The following TTC39C variants were observed in gnomAD, a reference collection of about 807,000 sequenced individuals.
TTC39C encodes tetratricopeptide repeat domain 39C.
Under a neutral mutation model 76.3 loss-of-function variants are expected in TTC39C, and 33 were observed. The observed-to-expected ratio is 0.43, with a 90% CI of 0.33 to 0.58. TTC39C has a LOEUF of 0.58. Among genes scored for constraint, TTC39C ranks in the 20% least tolerant of loss-of-function variants. TTC39C has a pLI of 0.04. For synonymous variants in TTC39C, 254 were observed against 260.6 expected (o/e 0.97, Z 0.24); for missense variants, 595 against 701.4 (o/e 0.85, Z 1.71).
intron 1 of TTC39C, among the ~76,000 whole-genome samples, chr18:24,052,607 C>G (rs1308760709): frequency 1.3e-5 from 2 of 151,778 alleles, no homozygotes; most frequent in Non-Finnish European, 2.9e-5. Context: ...TTTGGTGGAG[C>G]CAAGGAACAA....
intron 1 of TTC39C, among the ~76,000 whole-genome samples, chr18:24,016,040 A>G (rs1015853892): frequency 6.6e-6 from 1 of 152,260 alleles, no homozygotes; most frequent in Admixed American, 6.5e-5. Context: ...CCAATGTACA[A>G]CTGTGACCGG....
chr18:24,031,220 A>G (rs2083665554), intron 1 of TTC39C, among the ~76,000 whole-genome samples: 2 of 151,910 alleles, frequency 1.3e-5, no homozygotes, highest in Admixed American at 1.3e-4. Context: ...GGCCTCCCAA[A>G]GTGCTGGGAT....
At chr18:24,102,635 C>T (rs548692361) in intron 6 of TTC39C, among the ~76,000 whole-genome samples, 8 of 152,220 alleles carry the variant, frequency 5.3e-5, no homozygotes, top group East Asian at 1.9e-4. Context: ...AGCAGGTTCC[C>T]GTTTTGGGCT....
intron 6 of TTC39C, among the ~76,000 whole-genome samples, chr18:24,102,437 G>T (rs1397061302): frequency 6.6e-6 from 1 of 152,206 alleles, no homozygotes; most frequent in African/African-American, 2.4e-5. Context: ...AAACTTCCCT[G>T]CCCACAAGAA....
At chr18:24,049,972 A>G (rs1168234695) in intron 1 of TTC39C, among the ~76,000 whole-genome samples, 3 of 152,324 alleles carry the variant, frequency 2.0e-5, no homozygotes, top group Non-Finnish European at 4.4e-5. Flanking sequence ...TTTGGCAATT[A>G]AAAGATGGAG....
intron 1 of TTC39C, chr18:24,020,386 G>A: frequency 2.5e-6 from 2 of 814,348 alleles, no homozygotes; most frequent in South Asian, 5.6e-5. Flanking sequence ...TATAGTGTAA[G>A]TCTCTGTAAG....
At chr18:24,106,783 C>T (rs1301702658) in intron 6 of TTC39C, among the ~76,000 whole-genome samples, 2 of 152,184 alleles carry the variant, frequency 1.3e-5, no homozygotes, top group Non-Finnish European at 2.9e-5. Context: ...CTCCTGGGTT[C>T]AAGCAAGTCT....
At chr18:24,032,079 G>A (rs144166193) in intron 1 of TTC39C, among the ~76,000 whole-genome samples, 168 of 152,338 alleles carry the variant, frequency 1.1e-3, no homozygotes, top group Non-Finnish European at 1.4e-3. Context: ...AAGCCCGAAT[G>A]CAGCCAGTCA....
upstream of TTC39C, among the ~76,000 whole-genome samples, chr18:24,009,874 T>C (rs2083382298): frequency 6.6e-6 from 1 of 152,210 alleles, no homozygotes; most frequent in African/African-American, 2.4e-5. Context: ...AGGGGGATGG[T>C]TTCCTGGCCC....
intron 6 of TTC39C, among the ~76,000 whole-genome samples, chr18:24,086,499 C>A (rs1210846710): frequency 6.6e-6 from 1 of 152,270 alleles, no homozygotes; most frequent in East Asian, 1.9e-4. Context: ...CTGCTCCTGT[C>A]GTGCCACTTG....
chr18:24,008,190 C>T (rs960278482), intron 1 of TTC39C, among the ~76,000 whole-genome samples: 3 of 152,202 alleles, frequency 2.0e-5, no homozygotes, highest in Non-Finnish European at 2.9e-5. Context: ...ATTCAACTTA[C>T]AAACAGGTCA....
At chr18:24,026,897 A>G (rs2083605693) in intron 1 of TTC39C, among the ~76,000 whole-genome samples, 1 of 152,214 alleles carries the variant, frequency 6.6e-6, no homozygotes, top group Admixed American at 6.5e-5. Context: ...CTCTCTTGCA[A>G]ATGAAACTCT....
chr18:24,028,347 C>T (rs1033586829), intron 1 of TTC39C, among the ~76,000 whole-genome samples: 2 of 152,086 alleles, frequency 1.3e-5, no homozygotes, highest in African/African-American at 4.8e-5. Flanking sequence ...CATTTTGGAT[C>T]TGGGCTGGGC....
At position 24,086,620 on chromosome 18, in the gene TTC39C, C is replaced by A. The variant is rs539248637; in HGVS notation, c.984+3539C>A. Among the ~76,000 whole-genome samples the A allele has an allele frequency of 8.5e-5, 13 of 152,290 alleles. No homozygotes were observed. In the South Asian group the frequency reaches 2.5e-3, roughly 29 times the overall value. On this transcript the variant is annotated intron_variant, in intron 6 of 13. Transcript: ENST00000317571. ...CCGTTTGCACCCCAGCTGGTGAGCA[C>A]AGGATCCTCTTTGCCAAACTGCAGA...
chr18:24,026,810 T>C (rs2083605019), intron 1 of TTC39C, among the ~76,000 whole-genome samples: 1 of 152,190 alleles, frequency 6.6e-6, no homozygotes, highest in African/African-American at 2.4e-5. Context: ...ATTCTTTGTG[T>C]TGTACTTCAT....
At chr18:24,050,796 C>T (rs1203563685) in intron 1 of TTC39C, among the ~76,000 whole-genome samples, 5 of 150,386 alleles carry the variant, frequency 3.3e-5, no homozygotes, top group East Asian at 2.0e-4. Flanking sequence ...TGCTTGAACC[C>T]GGGATGCGAA....
At chr18:24,101,340 G>T (rs1394658944) in intron 6 of TTC39C, among the ~76,000 whole-genome samples, 1 of 150,666 alleles carries the variant, frequency 6.6e-6, no homozygotes, top group Admixed American at 6.6e-5. Flanking sequence ...GGGCACTGTG[G>T]CTCACGCCTG....
intron 6 of TTC39C, among the ~76,000 whole-genome samples, chr18:24,098,264 C>T (rs897607425): frequency 1.3e-5 from 2 of 151,864 alleles, no homozygotes; most frequent in African/African-American, 4.8e-5. Context: ...TATGTCTGTC[C>T]TGTCGTATAT....
At chr18:24,063,617 A>C (rs1054994511) in intron 1 of TTC39C, among the ~76,000 whole-genome samples, 1 of 151,248 alleles carries the variant, frequency 6.6e-6, no homozygotes, top group African/African-American at 2.4e-5. Context: ...GATTCACGCA[A>C]TTGTCCCTGC....
Sources: gnomAD v4.1 joint callset for allele counts (sites outside exome capture counted in the v4.1 genomes callset) on GRCh38, gnomAD v4.1.1 for gene constraint, MANE v1.5 for transcripts, NCBI Gene and HGNC (gene_info 2026-07-23, HGNC 2026-07-21) for gene names.